HADH: variants seen among roughly 807,000 people sequenced by gnomAD.
The protein encoded by HADH is hydroxyacyl-CoA dehydrogenase, also known as hydroxyacyl-coenzyme A dehydrogenase, mitochondrial.
HADH carries 24 observed loss-of-function variants against 32.2 expected under a neutral mutation model. The observed-to-expected ratio is 0.75, with a 90% CI of 0.54 to 1.05. The LOEUF is 1.05. Among genes scored for constraint, HADH ranks in the 50% least tolerant of loss-of-function variants. The pLI, the probability that HADH is intolerant of heterozygous loss-of-function variation, is 0.00. For missense variants in HADH, 350 were observed against 397.1 expected (o/e 0.88, Z 1.01); for synonymous variants, 139 against 152.5 (o/e 0.91, Z 0.65).
chr4:107,992,165 AGGTGG>A (rs1734835334), intron 1 of HADH, among the ~76,000 whole-genome samples: 1 of 152,230 alleles, frequency 6.6e-6, no homozygotes, highest in African/African-American at 2.4e-5. Flanking sequence ...ACTCTTAAAT[AGGTGG>A]ACCAGGGAGT....
intron 1 of HADH, among the ~76,000 whole-genome samples, chr4:107,995,117 A>T (rs1276411732): frequency 6.6e-6 from 1 of 152,066 alleles, no homozygotes; most frequent in East Asian, 1.9e-4. Flanking sequence ...CCACAGGAAG[A>T]TAATGTGGAT....
intron 3 of HADH, among the ~76,000 whole-genome samples, chr4:108,016,488 A>G (rs1329690896): frequency 6.6e-5 from 10 of 152,242 alleles, no homozygotes; most frequent in Non-Finnish European, 1.3e-4. Flanking sequence ...TGACAAAAAC[A>G]GAATATACTT....
intron 1 of HADH, chr4:108,004,744 T>A: frequency 6.5e-7 from 1 of 1,534,844 alleles, no homozygotes; most frequent in Non-Finnish European, 8.7e-7. Context: ...GAAAAGAGAT[T>A]TTTAAGGTCA....
chr4:108,016,604 A>T (rs1735703431), intron 3 of HADH, among the ~76,000 whole-genome samples: 1 of 152,222 alleles, frequency 6.6e-6, no homozygotes, highest in African/African-American at 2.4e-5. Context: ...TATTGAAAAG[A>T]TTGGTCGCTC....
intron 6 of HADH, chr4:108,029,640 T>C (rs1301853703): frequency 1.3e-5 from 2 of 152,402 alleles, no homozygotes; most frequent in African/African-American, 4.8e-5. Flanking sequence ...CAATGCTGCC[T>C]TGAGTGGTGC....
intron 1 of HADH, among the ~76,000 whole-genome samples, chr4:107,999,292 T>C (rs910020310): frequency 6.6e-6 from 1 of 152,216 alleles, no homozygotes; most frequent in Non-Finnish European, 1.5e-5. Flanking sequence ...CAGGGCTGGA[T>C]ACCACTTAAA....
At chr4:108,011,371 C>T (rs1173662203) in intron 2 of HADH, among the ~76,000 whole-genome samples, 2 of 151,966 alleles carry the variant, frequency 1.3e-5, no homozygotes, top group Non-Finnish European at 2.9e-5. Context: ...TGGTAGAAGG[C>T]GAAGGAAGAA....
intron 1 of HADH, among the ~76,000 whole-genome samples, chr4:108,001,806 C>T (rs1735126784): frequency 6.6e-6 from 1 of 152,186 alleles, no homozygotes; most frequent in Non-Finnish European, 1.5e-5. Flanking sequence ...TTAAAACATG[C>T]ATCATTTATT....
intron 1 of HADH, among the ~76,000 whole-genome samples, chr4:107,995,138 G>A (rs975704881): frequency 2.0e-5 from 3 of 152,012 alleles, no homozygotes; most frequent in Non-Finnish European, 4.4e-5. Context: ...GTTCTCTGTG[G>A]CTCCCCCTGT....
intron 1 of HADH, among the ~76,000 whole-genome samples, chr4:108,004,048 G>C (rs927875059): frequency 1.3e-5 from 2 of 152,150 alleles, no homozygotes; most frequent in African/African-American, 4.8e-5. Flanking sequence ...GTTGCCCTCA[G>C]ACCCCGCCAT....
intron 3 of HADH, among the ~76,000 whole-genome samples, chr4:108,015,836 C>T (rs1163946620): frequency 1.3e-5 from 2 of 152,066 alleles, no homozygotes; most frequent in Admixed American, 1.3e-4. Context: ...GCTGCAGAGA[C>T]ATCTGACAGC....
chr4:107,999,099 T>C (rs1327174586), intron 1 of HADH, among the ~76,000 whole-genome samples: 1 of 152,222 alleles, frequency 6.6e-6, no homozygotes, highest in African/African-American at 2.4e-5. Flanking sequence ...AGAAGAAACC[T>C]GTGTTGGAGA....
At chr4:107,994,280 TC>T (rs1267847465) in intron 1 of HADH, among the ~76,000 whole-genome samples, 1 of 152,138 alleles carries the variant, frequency 6.6e-6, no homozygotes, top group African/African-American at 2.4e-5. Flanking sequence ...GCATATTTTT[TC>T]TAGAGAGAGC....
chr4:108,034,863 G>T lies in HADH; in HGVS notation c.*506G>T. 1 of 252,078 alleles carries T rather than the reference G, an allele frequency of 4.0e-6. No homozygotes were observed. The highest frequency in any genetic ancestry group is 7.8e-6 in the Non-Finnish European group (1 of 128,160). 15.6% of individuals were successfully genotyped at this position (252,078 alleles called of 1,614,324 possible). ...GCTTTGAGTCTTGCCCTACATTTTGGGCATGACATAAGATGTGTCTTTATT... is the reference window on the plus strand; with the variant it reads ...GCTTTGAGTCTTGCCCTACATTTTGTGCATGACATAAGATGTGTCTTTATT... On this transcript the variant is annotated 3_prime_UTR_variant, in exon 8 of 8. Transcript: ENST00000309522.
In HADH at chr4:108,033,215, TAGG is replaced by T. The variant is rs760011083; in HGVS notation, c.752_754del (p.Gly251del). On this transcript the variant is annotated inframe_deletion, in exon 7 of 8. Transcript: ENST00000309522. Reference sequence around the variant, plus strand: ...GAAGACATTGACACTGCTATGAAATTAGGAGCCGGTTACCCCATGGGCCCATTT... The same window carrying T: ...GAAGACATTGACACTGCTATGAAATTAGCCGGTTACCCCATGGGCCCATTT... 1.2e-6 allele frequency: 2 copies of T among 1,610,648 alleles called. No individual in the cohort carries two copies. Among genetic ancestry groups the T allele is most frequent in the African/African-American group, 2.7e-5 (2 of 74,854 alleles).
Position 108,019,619 on chromosome 4 carries a change from G to C in HADH, c.499G>C (p.Ala167Pro). The stretch of plus-strand genomic sequence containing the variant: ...TGCCACCACCAGACAAGACCGATTC[G>C]CTGGCCTCCATTTCTTCAACCCAGT... Reference protein sequence around the residue: ...ANATTRQDRFAGLHFFNPVPV... With the variant: ...ANATTRQDRFPGLHFFNPVPV... The change falls in exon 4 of 8, where the codon GCT (alanine) becomes CCT (proline). Residue 167 changes from alanine (A) to proline (P), a missense_variant. Coordinates refer to ENST00000309522, the MANE Select transcript of HADH (RefSeq NM_005327.7). 1 of 1,614,070 alleles carries C rather than the reference G, an allele frequency of 6.2e-7. No individual in the cohort carries two copies. The highest frequency in any genetic ancestry group is 1.1e-5 in the South Asian group (1 of 91,076).
chr4:108,012,154 C>A (rs1329364184), intron 2 of HADH, among the ~76,000 whole-genome samples: 1 of 152,052 alleles, frequency 6.6e-6, no homozygotes, highest in Admixed American at 6.6e-5. Context: ...ACCTTGGCCA[C>A]TCAAAGTGCT....
chr4:108,002,326 T>C (rs1413098678), intron 1 of HADH, among the ~76,000 whole-genome samples: 1 of 152,178 alleles, frequency 6.6e-6, no homozygotes, highest in African/African-American at 2.4e-5. Flanking sequence ...TAGATTCTCA[T>C]AGGAGCATGA....
intron 2 of HADH, among the ~76,000 whole-genome samples, chr4:108,011,646 C>G (rs1399251201): frequency 6.6e-6 from 1 of 152,146 alleles, no homozygotes; most frequent in Non-Finnish European, 1.5e-5. Flanking sequence ...GTTTTCAATT[C>G]TTTGGGTTAT....
Sources: gnomAD v4.1 joint callset for allele counts (sites outside exome capture counted in the v4.1 genomes callset) on GRCh38, gnomAD v4.1.1 for gene constraint, MANE v1.5 for transcripts, NCBI Gene and HGNC (gene_info 2026-07-23, HGNC 2026-07-21) for gene names.